The following CCDC146 variants were observed in gnomAD, a reference collection of about 807,000 sequenced individuals.
CCDC146 encodes coiled-coil domain containing 146.
A neutral mutation model predicts 119.3 loss-of-function variants in CCDC146; 92 were observed. That is an observed-to-expected ratio of 0.77 (90% CI 0.65 to 0.92). CCDC146 has a LOEUF of 0.92. Ranked by LOEUF, CCDC146 falls within the 40% of genes least tolerant of loss-of-function variation. The pLI is 0.00. For synonymous variants in CCDC146, 372 were observed against 371.8 expected, an observed-to-expected ratio of 1.00 and a Z score of -0.01; for missense variants, 1,000 against 1,103.0, an observed-to-expected ratio of 0.91 and a Z score of 1.32.
In CCDC146 at chr7:77,261,122, G is replaced by A. The variant is rs866477211; in HGVS notation, c.986+886G>A. ...AGTCATGTGTGTATATACTGAGCAT[G>A]CTGTCTTTTATTAAACTTTTAAGTT... is the stretch of plus-strand genomic sequence containing the variant. On this transcript the variant is annotated intron_variant, in intron 8 of 18. Transcript: ENST00000285871. 4.7e-4 allele frequency among the ~76,000 whole-genome samples: 72 copies of A among 152,128 alleles called. 2 individuals carry two copies. The highest frequency in any genetic ancestry group is 1.7e-3 in the African/African-American group (70 of 41,450).
intron 1 of CCDC146, among the ~76,000 whole-genome samples, chr7:77,134,282 G>A (rs1790829634): frequency 6.6e-6 from 1 of 151,910 alleles, no homozygotes; most frequent in Admixed American, 6.6e-5. Flanking sequence ...CAAATTTAGG[G>A]CTACCACTAA....
chr7:77,236,233 T>G (rs1023064605), intron 2 of CCDC146, among the ~76,000 whole-genome samples: 1 of 152,236 alleles, frequency 6.6e-6, no homozygotes, highest in Non-Finnish European at 1.5e-5. Context: ...TGTTTGACGA[T>G]GTTTTATGAT....
At chr7:77,199,576 C>CTGAATT (rs1362424143) in intron 2 of CCDC146, 1 of 1,614,186 alleles carries the variant, frequency 6.2e-7, no homozygotes, top group East Asian at 2.2e-5. Context: ...CTCGATCCTG[C>CTGAATT]TGAATTGCTT....
At chr7:77,133,063 C>T (rs544470907) in intron 1 of CCDC146, among the ~76,000 whole-genome samples, 3 of 151,892 alleles carry the variant, frequency 2.0e-5, no homozygotes, top group South Asian at 4.2e-4. Context: ...CCCTGCTACT[C>T]GGGAGGCTGA....
At chr7:77,179,453 TATA>T (rs1791547885) in intron 2 of CCDC146, among the ~76,000 whole-genome samples, 1 of 151,454 alleles carries the variant, frequency 6.6e-6, no homozygotes, top group Non-Finnish European at 1.5e-5. Flanking sequence ...TAAGTCTTAG[TATA>T]ATATACACAC....
intron 1 of CCDC146, among the ~76,000 whole-genome samples, chr7:77,127,222 G>T (rs1221136772): frequency 6.6e-6 from 1 of 152,142 alleles, no homozygotes; most frequent in African/African-American, 2.4e-5. Context: ...TCCATGTTGT[G>T]GGAGGCCCAG....
intron 17 of CCDC146, among the ~76,000 whole-genome samples, chr7:77,292,432 G>A (rs1229367918): frequency 6.6e-6 from 1 of 150,538 alleles, no homozygotes. Flanking sequence ...TGGCTAACAC[G>A]GTGAAACCCC....
At chr7:77,244,353 A>T (rs1364791602) in intron 4 of CCDC146, among the ~76,000 whole-genome samples, 1 of 152,210 alleles carries the variant, frequency 6.6e-6, no homozygotes, top group African/African-American at 2.4e-5. Flanking sequence ...TATAAGGTCT[A>T]CAGTAGTGTA....
chr7:77,128,118 G>A (rs1309139150), intron 1 of CCDC146, among the ~76,000 whole-genome samples: 4 of 151,816 alleles, frequency 2.6e-5, no homozygotes, highest in African/African-American at 9.7e-5. Context: ...ATTCTAGTCT[G>A]TTCTGTTATG....
Position 77,259,990 on chromosome 7 carries a change from G to A in CCDC146, c.759-19G>A. 3 of 573,156 alleles carry A rather than the reference G, an allele frequency of 5.2e-6. No homozygotes were observed. The highest frequency in any genetic ancestry group is 2.9e-5 in the African/African-American group (1 of 34,566). 35.5% of individuals were successfully genotyped at this position (573,156 alleles called of 1,614,324 possible). A position where few individuals can be genotyped will look rare whatever the true frequency, so the allele number is the denominator to read the frequency against. ...TGTGTGTGTGTGTGTGTGTGTGTGT[G>A]TGTGTGTATCCCCTACAGAGAAATG... On this transcript the variant is annotated intron_variant, in intron 7 of 18. Transcript: ENST00000285871.
intron 2 of CCDC146, among the ~76,000 whole-genome samples, chr7:77,215,510 C>T (rs1318859992): frequency 1.3e-5 from 2 of 152,070 alleles, no homozygotes; most frequent in South Asian, 2.1e-4. Flanking sequence ...GTAAGAGGTA[C>T]TCATTGCTGC....
chr7:77,196,472 C>T lies in CCDC146; in HGVS notation c.156+28648C>T, dbSNP rs1259094800. ...ACATGCATCAAACCACCAGCCTGAA[C>T]TGTAGTACAGCCCACAGTTCCCAGA... On this transcript the variant is annotated intron_variant, in intron 2 of 18. Coordinates refer to ENST00000285871, the MANE Select transcript of CCDC146 (RefSeq NM_020879.3). The surrounding 1 kb of genome is among the most constrained non-coding windows in gnomAD (Gnocchi z 4.2). The T allele has an allele frequency of 1.2e-6, 2 of 1,614,190 alleles. No individual in the cohort carries two copies. Among genetic ancestry groups the T allele is most frequent in the Admixed American group, 1.7e-5 (1 of 60,030 alleles).
chr7:77,144,878 CTT>C (rs910467067), intron 1 of CCDC146, among the ~76,000 whole-genome samples: 1 of 150,866 alleles, frequency 6.6e-6, no homozygotes, highest in Non-Finnish European at 1.5e-5. Flanking sequence ...CTAAAATTCT[CTT>C]TTTTTTTCTG....
intron 2 of CCDC146, chr7:77,199,163 A>C: frequency 6.3e-7 from 1 of 1,597,536 alleles, no homozygotes; most frequent in Non-Finnish European, 8.5e-7. Flanking sequence ...TATGATAAGA[A>C]AACATTATTA....
intron 1 of CCDC146, among the ~76,000 whole-genome samples, chr7:77,151,348 A>G (rs1230333654): frequency 1.3e-5 from 2 of 152,112 alleles, no homozygotes; most frequent in Non-Finnish European, 2.9e-5. Flanking sequence ...AGAAAAGGCA[A>G]AACTACTGGT....
At chr7:77,263,397 A>G (rs1380228066) in intron 9 of CCDC146, among the ~76,000 whole-genome samples, 1 of 152,216 alleles carries the variant, frequency 6.6e-6, no homozygotes, top group Non-Finnish European at 1.5e-5. Context: ...ATGCTGAGCC[A>G]ACAGTGGTCT....
At chr7:77,125,370 A>G (rs1324508171) in intron 1 of CCDC146, among the ~76,000 whole-genome samples, 4 of 151,620 alleles carry the variant, frequency 2.6e-5, no homozygotes, top group African/African-American at 7.3e-5. Context: ...TAATAATAAT[A>G]ATAAATTTAA....
intron 2 of CCDC146, among the ~76,000 whole-genome samples, chr7:77,205,185 A>G (rs985605713): frequency 6.6e-6 from 1 of 152,186 alleles, no homozygotes; most frequent in Non-Finnish European, 1.5e-5. Flanking sequence ...TCTCATATTC[A>G]TGGTAGTTGT....
At chr7:77,239,926 G>A (rs544359956) in intron 3 of CCDC146, among the ~76,000 whole-genome samples, 7 of 152,316 alleles carry the variant, frequency 4.6e-5, no homozygotes, top group Admixed American at 2.0e-4. Flanking sequence ...TCCCTCTACC[G>A]TGACCTTCAA....
Sources: gnomAD v4.1 joint callset for allele counts (sites outside exome capture counted in the v4.1 genomes callset) on GRCh38, gnomAD v4.1.1 for gene constraint, Gnocchi (gnomAD v3.1) non-coding constraint, MANE v1.5 for transcripts, NCBI Gene and HGNC (gene_info 2026-07-23, HGNC 2026-07-21) for gene names.